Variants in TRMT10B observed in about 807,000 individuals in gnomAD.
TRMT10B encodes the protein tRNA methyltransferase 10 homolog B.
Under a neutral mutation model 43.8 loss-of-function variants are expected in TRMT10B, and 33 were observed. The ratio of observed to expected loss-of-function variants is 0.75; its 90% CI spans 0.57 to 1.01. The LOEUF (loss-of-function observed/expected upper bound fraction) is 1.01. TRMT10B is among the 50% of genes least tolerant of loss of function. The probability of loss-of-function intolerance (pLI) is 0.00; values close to 1 mark genes in which losing one functional copy is unlikely to be tolerated. For missense variants in TRMT10B, 362 were observed against 369.8 expected (o/e 0.98, Z 0.17); for synonymous variants, 137 against 130.6 (o/e 1.05, Z -0.34).
intron 7 of TRMT10B, among the ~76,000 whole-genome samples, chr9:37,774,948 T>G (rs1827984455): frequency 6.6e-6 from 1 of 152,218 alleles, no homozygotes; most frequent in African/African-American, 2.4e-5. Flanking sequence ...GGCTACAATC[T>G]GGAGACTAGA....
intron 3 of TRMT10B, 145 bp downstream of exon 3, chr9:37,762,830 A>T (rs1216453694): frequency 9.0e-7 from 1 of 1,112,186 alleles, no homozygotes; most frequent in African/African-American, 1.6e-5. Context: ...GAATCAAAAC[A>T]TCAAAGAAAG....
chr9:37,777,009 C>T (rs953874411), intron 8 of TRMT10B, among the ~76,000 whole-genome samples: 76 of 151,276 alleles, frequency 5.0e-4, no homozygotes, highest in African/African-American at 1.8e-3. Flanking sequence ...GCCTGACCAA[C>T]ATGGAGAAAC....
At chr9:37,769,110 C>T (rs1437833683) in intron 5 of TRMT10B, among the ~76,000 whole-genome samples, 1 of 151,860 alleles carries the variant, frequency 6.6e-6, no homozygotes, top group Non-Finnish European at 1.5e-5. Flanking sequence ...GAGCTCGAGA[C>T]TAGCCTTGGC....
chr9:37,760,163 T>TA (rs1353563316), intron 1 of TRMT10B, among the ~76,000 whole-genome samples: 1 of 152,140 alleles, frequency 6.6e-6, no homozygotes, highest in Non-Finnish European at 1.5e-5. Context: ...CCGTCTCTAC[T>TA]AAAAATAAAA....
chr9:37,765,068 A>T (rs1190977017), intron 4 of TRMT10B, among the ~76,000 whole-genome samples: 1 of 152,078 alleles, frequency 6.6e-6, no homozygotes, highest in Non-Finnish European at 1.5e-5. Context: ...CTCCTTAGGG[A>T]TAAAGAGATT....
At chr9:37,761,820 A>AT (rs1300650576) in intron 1 of TRMT10B, 83 bp from the exon 2 acceptor site, 19 of 988,458 alleles carry the variant, frequency 1.9e-5, no homozygotes, top group Non-Finnish European at 2.8e-5. Flanking sequence ...CAGTAACACA[A>AT]TAACACTTTG....
At chr9:37,771,389 CTTT>C (rs1055405972) in intron 7 of TRMT10B, among the ~76,000 whole-genome samples, 3 of 152,122 alleles carry the variant, frequency 2.0e-5, no homozygotes, top group African/African-American at 4.8e-5. Flanking sequence ...GTGTATCCTT[CTTT>C]GAGACATTAT....
At position 37,768,395 on chromosome 9, in the gene TRMT10B, A is replaced by C. The variant is rs955950522; in HGVS notation, c.573+167A>C. The stretch of plus-strand genomic sequence containing the variant: ...ATTTAAAATTTTTTCTCATCCTCCT[A>C]CTGCATTGGCAAAGTACTGTTACCA... On this transcript the variant is annotated intron_variant, in intron 5 of 8. Coordinates refer to ENST00000297994, the MANE Select transcript of TRMT10B (RefSeq NM_144964.4). Among the ~76,000 whole-genome samples, 5 of 152,204 alleles carry C rather than the reference A, an allele frequency of 3.3e-5. No individual in the cohort carries two copies. In the South Asian group the frequency reaches 1.0e-3, roughly 32 times the overall value.
chr9:37,758,239 C>T (rs761973032), intron 1 of TRMT10B, among the ~76,000 whole-genome samples: 1 of 152,062 alleles, frequency 6.6e-6, no homozygotes, highest in Non-Finnish European at 1.5e-5. Context: ...TGGTGAAACC[C>T]TACCTCTACT....
chr9:37,773,567 G>T (rs1302569512), intron 7 of TRMT10B, among the ~76,000 whole-genome samples: 4 of 152,196 alleles, frequency 2.6e-5, no homozygotes, highest in Admixed American at 1.3e-4. Flanking sequence ...CGGGCGTGGT[G>T]GCTCACGCCT....
chr9:37,769,311 A>AAAAAT (rs1827302511), intron 5 of TRMT10B, among the ~76,000 whole-genome samples: 1 of 78,002 alleles, frequency 1.3e-5, no homozygotes, highest in South Asian at 4.5e-4. Flanking sequence ...CTGTCTTTAA[A>AAAAAT]AAAAAAAAAA....
At chr9:37,753,282 A>C (rs1324017507), upstream of TRMT10B, among the ~76,000 whole-genome samples, 2 of 152,212 alleles carry the variant, frequency 1.3e-5, no homozygotes, top group Non-Finnish European at 2.9e-5. Flanking sequence ...TCCGGACACA[A>C]TATGATATCA....
At chr9:37,753,998 C>T (rs1825293818) in intron 1 of TRMT10B, 146 bp downstream of exon 1, 1 of 152,402 alleles carries the variant, frequency 6.6e-6, no homozygotes, top group Non-Finnish European at 1.5e-5. Flanking sequence ...CTGATACTTT[C>T]CCTTCCTGCT....
At chr9:37,760,424 C>G (rs1826200047) in intron 1 of TRMT10B, among the ~76,000 whole-genome samples, 1 of 152,208 alleles carries the variant, frequency 6.6e-6, no homozygotes, top group Admixed American at 6.5e-5. Flanking sequence ...ACATGGGAGG[C>G]TGAGGCGGGA....
intron 3 of TRMT10B, 50 bp downstream of exon 3, chr9:37,762,735 CGT>C: frequency 6.6e-7 from 1 of 1,523,848 alleles, no homozygotes; most frequent in Non-Finnish European, 8.8e-7. Flanking sequence ...TTTTAGCAAA[CGT>C]GTCTGCATGT....
chr9:37,764,315 ATTTTTTT>A (rs753115932), intron 4 of TRMT10B, among the ~76,000 whole-genome samples: 3 of 110,560 alleles, frequency 2.7e-5, no homozygotes, highest in East Asian at 2.5e-4. Context: ...CGCCTGACAA[ATTTTTTT>A]TTTTTTTTTT....
rs1040492438 is a variant in TRMT10B at position 37,778,526 on chromosome 9, G to C, written c.*819G>C. ...CGAGGGGAAAAAAAAAAAAAATTATGTAACAAGGAATTAGCCTCAAAACCA... is the reference window on the plus strand; with the variant it reads ...CGAGGGGAAAAAAAAAAAAAATTATCTAACAAGGAATTAGCCTCAAAACCA... On this transcript the variant is annotated 3_prime_UTR_variant, in exon 9 of 9. Transcript: ENST00000297994. The C allele has an allele frequency of 6.6e-6, 1 of 151,984 alleles. No individual in the cohort carries two copies. The highest frequency in any genetic ancestry group is 2.4e-5 in the African/African-American group (1 of 41,384). The allele number at this position is 151,984 out of a possible 1,614,324, so 9.4% of individuals were successfully genotyped here. A position where few individuals can be genotyped will look rare whatever the true frequency, so the allele number is the denominator to read the frequency against.
At chr9:37,754,354 G>A (rs1015178644) in intron 1 of TRMT10B, among the ~76,000 whole-genome samples, 10 of 152,204 alleles carry the variant, frequency 6.6e-5, no homozygotes, top group Non-Finnish European at 1.2e-4. Flanking sequence ...AGGGTAAAGA[G>A]AACGGCGAAT....
Position 37,777,581 on chromosome 9 carries a change from TTC to T in TRMT10B, c.845-18_845-17del, listed in dbSNP as rs762707496. 2 of 1,586,808 alleles carry T rather than the reference TTC, an allele frequency of 1.3e-6. No individual in the cohort carries two copies. The highest frequency in any genetic ancestry group is 2.2e-5 in the East Asian group (1 of 44,738). On this transcript the variant is annotated intron_variant, in intron 8 of 8. Coordinates refer to ENST00000297994, the MANE Select transcript of TRMT10B (RefSeq NM_144964.4). The stretch of plus-strand genomic sequence containing the variant: ...TTTTTCCCTCTGTGGTCACTGTGTT[TTC>T]TGTTTACTCTCTAACAGTGTTTGAT...
Sources: allele counts gnomAD v4.1 joint callset (sites outside exome capture counted in the v4.1 genomes callset), GRCh38; gene constraint gnomAD v4.1.1; transcripts MANE v1.5; gene names NCBI Gene and HGNC (gene_info 2026-07-23, HGNC 2026-07-21).